PKHD1: variants seen among roughly 807,000 people sequenced by gnomAD.
The protein encoded by PKHD1 is fibrocystin.
A neutral mutation model predicts 412.0 loss-of-function variants in PKHD1; 291 were observed. The observed-to-expected ratio is 0.71, with a 90% CI of 0.64 to 0.78. The LOEUF (loss-of-function observed/expected upper bound fraction) is 0.78. Ranked by LOEUF, PKHD1 falls within the 30% of genes least tolerant of loss-of-function variation. The pLI is 0.00. For missense variants in PKHD1, 4,825 were observed against 4,950.7 expected, an observed-to-expected ratio of 0.97 and a Z score of 0.76; for synonymous variants, 1,777 against 1,821.5, an observed-to-expected ratio of 0.98 and a Z score of 0.62.
chr6:51,682,541 T>C (rs1451694664), intron 60 of PKHD1, among the ~76,000 whole-genome samples: 2 of 152,092 alleles, frequency 1.3e-5, no homozygotes, highest in East Asian at 3.9e-4. Context: ...ATTTGGGCTT[T>C]GCTTTAATAT....
intron 35 of PKHD1, among the ~76,000 whole-genome samples, chr6:51,993,873 C>T (rs749388594): frequency 1.3e-5 from 2 of 152,058 alleles, no homozygotes; most frequent in Non-Finnish European, 2.9e-5. Context: ...CAGAATCAGA[C>T]AGTGTCAAAG....
intron 53 of PKHD1, among the ~76,000 whole-genome samples, chr6:51,778,576 G>A (rs1282456220): frequency 6.6e-6 from 1 of 152,092 alleles, no homozygotes; most frequent in East Asian, 1.9e-4. Flanking sequence ...ATGGTGGGCA[G>A]TGAAGGGGAA....
chr6:51,674,910 A>G (rs1199683077), intron 60 of PKHD1, among the ~76,000 whole-genome samples: 1 of 152,220 alleles, frequency 6.6e-6, no homozygotes, highest in Non-Finnish European at 1.5e-5. Context: ...CCTAGGGATT[A>G]TCAACAAGTA....
chr6:51,985,539 G>C (rs907328633), intron 35 of PKHD1, among the ~76,000 whole-genome samples: 1 of 152,120 alleles, frequency 6.6e-6, no homozygotes, highest in African/African-American at 2.4e-5. Context: ...GACCCACCTG[G>C]CCAACGTGGC....
chr6:51,729,942 A>G (rs770034857), intron 60 of PKHD1, among the ~76,000 whole-genome samples: 5 of 152,190 alleles, frequency 3.3e-5, no homozygotes, highest in Admixed American at 6.5e-5. Context: ...TGGTTAGTGG[A>G]CACAATCCAA....
intron 49 of PKHD1, among the ~76,000 whole-genome samples, chr6:51,849,553 T>A (rs1771819094): frequency 6.6e-6 from 1 of 152,158 alleles, no homozygotes; most frequent in Admixed American, 6.5e-5. Flanking sequence ...CTCACCAGCT[T>A]TCATTGTTTC....
At chr6:51,636,414 A>G (rs937587643) in intron 64 of PKHD1, among the ~76,000 whole-genome samples, 29 of 152,034 alleles carry the variant, frequency 1.9e-4, no homozygotes, top group African/African-American at 6.8e-4. Flanking sequence ...GTGTGGTGGC[A>G]CACACGTCTG....
At chr6:51,870,900 T>A (rs555796413) in intron 46 of PKHD1, among the ~76,000 whole-genome samples, 1 of 150,988 alleles carries the variant, frequency 6.6e-6, no homozygotes, top group South Asian at 2.1e-4. Flanking sequence ...AAAGAAAATA[T>A]ACAGATAGCA....
intron 11 of PKHD1, among the ~76,000 whole-genome samples, chr6:52,068,549 G>A (rs887603230): frequency 6.6e-6 from 1 of 152,200 alleles, no homozygotes; most frequent in African/African-American, 2.4e-5. Context: ...CTTTGGACAA[G>A]ATACTTTGTT....
chr6:52,011,287 T>A (rs2128119123), intron 34 of PKHD1, among the ~76,000 whole-genome samples: 1 of 152,306 alleles, frequency 6.6e-6, no homozygotes, highest in Middle Eastern at 3.4e-3. Context: ...TCAAGAATCA[T>A]CCTGGCTGTA....
chr6:51,746,700 T>C (rs1785234958), intron 59 of PKHD1, 21 bp downstream of exon 59: 2 of 1,481,594 alleles, frequency 1.3e-6, no homozygotes, highest in East Asian at 4.5e-5. Context: ...TATGGCTTAT[T>C]ATAAATACTA....
chr6:52,043,782 G>A (rs1805317298), intron 25 of PKHD1, 52 bp from the exon 26 acceptor site: 4 of 1,263,530 alleles, frequency 3.2e-6, no homozygotes, highest in Non-Finnish European at 4.6e-6. Flanking sequence ...TATCTACCAG[G>A]GTATTCATAA....
At chr6:51,907,023 C>G (rs1479973151) in intron 40 of PKHD1, among the ~76,000 whole-genome samples, 1 of 152,092 alleles carries the variant, frequency 6.6e-6, no homozygotes, top group African/African-American at 2.4e-5. Flanking sequence ...TACTGAGTAT[C>G]AACTATATGT....
intron 43 of PKHD1, among the ~76,000 whole-genome samples, chr6:51,901,690 TAA>T (rs11331045): frequency 0.085 from 11,747 of 138,194 alleles, 761 homozygotes; most frequent in African/African-American, 0.19. Context: ...AAAAAAAACT[TAA>T]AAAAAAAAAA....
chr6:51,907,782 C>A (rs1782345067), intron 40 of PKHD1, among the ~76,000 whole-genome samples: 1 of 152,066 alleles, frequency 6.6e-6, no homozygotes, highest in East Asian at 1.9e-4. Context: ...AATGAGCATT[C>A]CAAAAGTTTC....
intron 55 of PKHD1, among the ~76,000 whole-genome samples, chr6:51,762,100 A>T (rs1788112908): frequency 6.6e-6 from 1 of 152,064 alleles, no homozygotes; most frequent in Non-Finnish European, 1.5e-5. Context: ...TACCCAAAAA[A>T]CTGCCATAGC....
intron 54 of PKHD1, among the ~76,000 whole-genome samples, chr6:51,774,770 C>G (rs17746552): frequency 0.014 from 2,054 of 151,794 alleles, 19 homozygotes; most frequent in Non-Finnish European, 0.021. Flanking sequence ...GTTCAGAAAC[C>G]TCAGAAATGA....
chr6:51,654,905 C>A (rs1562031406), intron 61 of PKHD1, among the ~76,000 whole-genome samples: 1 of 151,982 alleles, frequency 6.6e-6, no homozygotes, highest in African/African-American at 2.4e-5. Context: ...CAATCTTTGT[C>A]TTTTTTTAAC....
intron 35 of PKHD1, among the ~76,000 whole-genome samples, chr6:52,004,451 T>G (rs563760578): frequency 7.2e-4 from 109 of 152,344 alleles, no homozygotes; most frequent in African/African-American, 1.7e-3. Flanking sequence ...AGTCCGTATC[T>G]AGTACGTTTC....
Sources: gnomAD v4.1 joint callset for allele counts (sites outside exome capture counted in the v4.1 genomes callset) on GRCh38, gnomAD v4.1.1 for gene constraint, MANE v1.5 for transcripts, NCBI Gene and HGNC (gene_info 2026-07-23, HGNC 2026-07-21) for gene names.